The following ST8SIA1 variants were observed in gnomAD, a reference collection of about 807,000 sequenced individuals.
ST8SIA1 encodes the protein alpha-N-acetylneuraminide alpha-2,8-sialyltransferase.
In ST8SIA1, 16 loss-of-function variants were observed where a neutral mutation model predicts 35.9. The ratio of observed to expected loss-of-function variants is 0.45; its 90% CI spans 0.30 to 0.68. The LOEUF (loss-of-function observed/expected upper bound fraction) is 0.68, where lower values mean the gene tolerates loss of function less well. Among genes scored for constraint, ST8SIA1 ranks in the 30% least tolerant of loss-of-function variants. The pLI, the probability that ST8SIA1 is intolerant of heterozygous loss-of-function variation, is 0.09. For synonymous variants in ST8SIA1, 170 were observed against 169.6 expected (o/e 1.00, Z -0.02); for missense variants, 383 against 453.6 (o/e 0.84, Z 1.41).
chr12:22,216,446 C>A (rs1429948019), intron 4 of ST8SIA1, among the ~76,000 whole-genome samples: 1 of 152,168 alleles, frequency 6.6e-6, no homozygotes, highest in Non-Finnish European at 1.5e-5. Context: ...GTTGCACATG[C>A]TACTTGTTCT....
At chr12:22,270,224 G>C (rs1300405763) in intron 2 of ST8SIA1, among the ~76,000 whole-genome samples, 1 of 152,172 alleles carries the variant, frequency 6.6e-6, no homozygotes. Context: ...GGACACTTTT[G>C]GCTCAGCCTC....
At chr12:22,223,184 G>A (rs1173366673) in intron 4 of ST8SIA1, 4 of 152,194 alleles carry the variant, frequency 2.6e-5, no homozygotes, top group Non-Finnish European at 5.9e-5. Context: ...ACAGTTTCAT[G>A]CAAGTGTTTA....
At chr12:22,257,022 C>T (rs1204631886) in intron 2 of ST8SIA1, among the ~76,000 whole-genome samples, 2 of 152,164 alleles carry the variant, frequency 1.3e-5, no homozygotes, top group Non-Finnish European at 2.9e-5. Context: ...TCAGGCACTG[C>T]CCTGGGTGAC....
intron 4 of ST8SIA1, among the ~76,000 whole-genome samples, chr12:22,226,508 T>C (rs1184408747): frequency 6.6e-6 from 1 of 152,184 alleles, no homozygotes; most frequent in East Asian, 1.9e-4. Flanking sequence ...TAAAACTTTT[T>C]TTTTTTTCCT....
intron 1 of ST8SIA1, among the ~76,000 whole-genome samples, chr12:22,330,518 T>C (rs1235301303): frequency 6.6e-6 from 1 of 152,208 alleles, no homozygotes; most frequent in Non-Finnish European, 1.5e-5. Flanking sequence ...CCATAAGGTT[T>C]TCACTCTGCT....
intron 4 of ST8SIA1, among the ~76,000 whole-genome samples, chr12:22,243,646 T>C (rs1565576006): frequency 6.6e-6 from 1 of 152,228 alleles, no homozygotes; most frequent in Non-Finnish European, 1.5e-5. Context: ...AAGTTGATAA[T>C]TGATGGCTTA....
chr12:22,268,834 A>G (rs945652748), intron 2 of ST8SIA1, among the ~76,000 whole-genome samples: 2 of 152,132 alleles, frequency 1.3e-5, no homozygotes, highest in African/African-American at 4.8e-5. Context: ...AAACCATATC[A>G]CCAAAGCAGC....
At chr12:22,318,028 T>C (rs1866541640) in intron 1 of ST8SIA1, among the ~76,000 whole-genome samples, 1 of 152,178 alleles carries the variant, frequency 6.6e-6, no homozygotes, top group African/African-American at 2.4e-5. Context: ...AAATAATGAA[T>C]TATACTCTAA....
At chr12:22,310,789 T>A (rs904343627) in intron 1 of ST8SIA1, among the ~76,000 whole-genome samples, 1 of 151,722 alleles carries the variant, frequency 6.6e-6, no homozygotes, top group African/African-American at 2.4e-5. Flanking sequence ...TAAAAATAAA[T>A]AAAAATATGA....
chr12:22,261,961 G>A (rs1865797753), intron 2 of ST8SIA1, among the ~76,000 whole-genome samples: 1 of 152,162 alleles, frequency 6.6e-6, no homozygotes, highest in African/African-American at 2.4e-5. Flanking sequence ...ACGCTAAATA[G>A]AAAAACAGAA....
In ST8SIA1 at chr12:22,324,728, G is replaced by C. The variant is rs1866652730; in HGVS notation, c.236+9269C>G. 1.3e-5 allele frequency: 2 copies of C among 152,052 alleles called. 1 individual carries two copies. The highest frequency in any genetic ancestry group is 2.9e-5 in the Non-Finnish European group (2 of 67,980). 9.4% of individuals were successfully genotyped at this position (152,052 alleles called of 1,614,324 possible). ...CAAGACAGTACAGATCTTTAAAGAG[G>C]CTTTTTAATTTCCTATGCTCAGCTA... On this transcript the variant is annotated intron_variant, in intron 1 of 4. Transcript: ENST00000396037.
rs528968692 is a variant in ST8SIA1 at position 22,202,192 on chromosome 12, T to G, written c.585-154A>C. ...TTTGTATTTAAAATCCTCCTTGAAC[T>G]TATCAATTATCTCTCATCAAATAGC... is the stretch of plus-strand genomic sequence containing the variant. On this transcript the variant is annotated intron_variant, in intron 4 of 4. Coordinates refer to ENST00000396037, the MANE Select transcript of ST8SIA1 (RefSeq NM_003034.4). 4.6e-5 allele frequency among the ~76,000 whole-genome samples: 7 copies of G among 152,300 alleles called. No homozygotes were observed. The South Asian group carries it at 1.5e-3, about 32-fold the overall frequency.
intron 1 of ST8SIA1, among the ~76,000 whole-genome samples, chr12:22,301,555 C>T (rs1322520837): frequency 6.6e-6 from 1 of 152,100 alleles, no homozygotes; most frequent in Admixed American, 6.6e-5. Context: ...ATATTCTTAA[C>T]TTATGGCAAT....
At chr12:22,273,757 A>ATTCT (rs1865938816) in intron 2 of ST8SIA1, among the ~76,000 whole-genome samples, 1 of 152,182 alleles carries the variant, frequency 6.6e-6, no homozygotes, top group African/African-American at 2.4e-5. Flanking sequence ...TCATTCATTC[A>ATTCT]TTCATTCATC....
intron 4 of ST8SIA1, among the ~76,000 whole-genome samples, chr12:22,247,637 T>A (rs1865621413): frequency 6.6e-6 from 1 of 152,128 alleles, no homozygotes; most frequent in African/African-American, 2.4e-5. Flanking sequence ...ACATTCAGGA[T>A]ATTTTTTTCA....
At chr12:22,266,936 C>A (rs1653965983) in intron 2 of ST8SIA1, among the ~76,000 whole-genome samples, 1 of 151,586 alleles carries the variant, frequency 6.6e-6, no homozygotes, top group Non-Finnish European at 1.5e-5. Flanking sequence ...ATTTCTTGGT[C>A]TCTCTATTTC....
At chr12:22,291,708 A>T (rs1866179152) in intron 1 of ST8SIA1, among the ~76,000 whole-genome samples, 1 of 152,226 alleles carries the variant, frequency 6.6e-6, no homozygotes, top group Non-Finnish European at 1.5e-5. Flanking sequence ...CAATCTCTTT[A>T]TGTGCTTTCT....
intron 2 of ST8SIA1, among the ~76,000 whole-genome samples, chr12:22,265,161 G>C (rs1287772834): frequency 6.6e-6 from 1 of 152,180 alleles, no homozygotes; most frequent in African/African-American, 2.4e-5. Context: ...GACAAAGACT[G>C]TGTCTATACT....
intron 4 of ST8SIA1, among the ~76,000 whole-genome samples, chr12:22,210,879 C>A (rs753530618): frequency 4.6e-5 from 7 of 152,164 alleles, no homozygotes; most frequent in Non-Finnish European, 1.0e-4. Flanking sequence ...CAAGTTTCAG[C>A]CAAAGGTGGC....
Sources: gnomAD v4.1 joint callset for allele counts (sites outside exome capture counted in the v4.1 genomes callset) on GRCh38, gnomAD v4.1.1 for gene constraint, MANE v1.5 for transcripts, NCBI Gene and HGNC (gene_info 2026-07-23, HGNC 2026-07-21) for gene names.